Variants in ANKRD36 observed in about 807,000 individuals in gnomAD.
ANKRD36 encodes ankyrin repeat domain 36.
In ANKRD36, 179 loss-of-function variants were observed where a neutral mutation model predicts 278.1. The observed-to-expected ratio is 0.64, with a 90% CI of 0.57 to 0.73. The LOEUF is 0.73. Among genes scored for constraint, ANKRD36 ranks in the 30% least tolerant of loss-of-function variants. The pLI is 0.00. For missense variants in ANKRD36, 1,159 were observed against 1,956.7 expected (o/e 0.59, Z 7.69); for synonymous variants, 320 against 641.1 (o/e 0.50, Z 7.57).
chr2:97,184,206 T>G lies in ANKRD36; in HGVS notation c.1939+552T>G, dbSNP rs373289577. 2.2e-4 allele frequency among the ~76,000 whole-genome samples: 34 copies of G among 151,822 alleles called. 6 individuals carry two copies. The highest frequency in any genetic ancestry group is 5.3e-4 in the Admixed American group (8 of 15,166). ...GAAACCTGAGTGAACTCACTTCAGA[T>G]GCATTTAGAATGTTTGCATACCAGA... On this transcript the variant is annotated intron_variant, in intron 28 of 75. Transcript: ENST00000420699.
chr2:97,213,944 G>C (rs1358429212), intron 60 of ANKRD36, among the ~76,000 whole-genome samples: 1 of 151,662 alleles, frequency 6.6e-6, no homozygotes, highest in Non-Finnish European at 1.5e-5. Context: ...AAGACATGAA[G>C]TATATATTTT....
chr2:97,136,791 A>G (rs1304559863), intron 6 of ANKRD36, among the ~76,000 whole-genome samples: 1 of 151,976 alleles, frequency 6.6e-6, no homozygotes, highest in Non-Finnish European at 1.5e-5. Context: ...TTGTCCAGAA[A>G]TCATGTTCTT....
chr2:97,218,059 G>A (rs2066431650), intron 64 of ANKRD36, among the ~76,000 whole-genome samples: 2 of 152,038 alleles, frequency 1.3e-5, no homozygotes, highest in Admixed American at 1.3e-4. Flanking sequence ...CTTAGTATCA[G>A]ACATCACACA....
rs1438606167 is a variant in ANKRD36 at position 97,211,729 on chromosome 2, A to G, written c.3457A>G (p.Ile1153Val). ...NMATEKKDEQ[I>V]SGTVSCQKQP... ...GGCCACGGAAAAAAAGGATGAACAA[A>G]TATCTGGGACAGGTAATTTTGCAAA... The change falls in exon 58 of 76, where the codon ATA (isoleucine) becomes GTA (valine). Residue 1153 changes from isoleucine (I) to valine (V), a missense_variant. Ile to Val is a conservative substitution (Grantham distance 29). Transcript: ENST00000420699. The G allele has an allele frequency of 1.3e-6, 2 of 1,584,046 alleles. No homozygotes were observed. The highest frequency in any genetic ancestry group is 2.4e-5 in the East Asian group (1 of 42,196).
At chr2:97,172,582 G>A (rs1274146830) in intron 22 of ANKRD36, among the ~76,000 whole-genome samples, 1 of 151,990 alleles carries the variant, frequency 6.6e-6, no homozygotes, top group African/African-American at 2.4e-5. Context: ...TTTTTGACAT[G>A]TCCTGACTCT....
At chr2:97,159,319 T>C (rs2048270449) in intron 17 of ANKRD36, among the ~76,000 whole-genome samples, 1 of 152,096 alleles carries the variant, frequency 6.6e-6, no homozygotes. Context: ...ATATTTCTAG[T>C]TTAAATAAAA....
At chr2:97,183,126 C>CAA (rs1319483220) in intron 26 of ANKRD36, among the ~76,000 whole-genome samples, 1 of 151,746 alleles carries the variant, frequency 6.6e-6, no homozygotes, top group East Asian at 1.9e-4. Flanking sequence ...ACATTGATTC[C>CAA]TGGGTGTATG....
intron 50 of ANKRD36, among the ~76,000 whole-genome samples, chr2:97,205,456 T>C (rs1279321343): frequency 6.6e-6 from 1 of 151,568 alleles, no homozygotes; most frequent in African/African-American, 2.4e-5. Flanking sequence ...GAAGTGTAAG[T>C]TCAACTGAAG....
chr2:97,182,737 G>A (rs2056538633), intron 26 of ANKRD36, among the ~76,000 whole-genome samples: 1 of 151,214 alleles, frequency 6.6e-6, no homozygotes, highest in Non-Finnish European at 1.5e-5. Context: ...TTTTGTATAA[G>A]TATGTCAAAT....
chr2:97,189,541 T>G (rs562502997), intron 34 of ANKRD36, among the ~76,000 whole-genome samples: 1 of 86,972 alleles, frequency 1.1e-5, no homozygotes, highest in African/African-American at 2.7e-5. Flanking sequence ...TGGAGAGAGG[T>G]TCAAGACATA....
intron 45 of ANKRD36, 42 bp downstream of exon 45, chr2:97,200,404 A>G: frequency 6.2e-7 from 1 of 1,603,140 alleles, no homozygotes; most frequent in Non-Finnish European, 8.5e-7. Context: ...GTAAACGTAT[A>G]GCCTATGAAA....
chr2:97,235,256 A>C (rs2073367444), intron 68 of ANKRD36, among the ~76,000 whole-genome samples: 3 of 151,586 alleles, frequency 2.0e-5, no homozygotes. Context: ...CCAACACCGC[A>C]TGTTGAAAAG....
intron 67 of ANKRD36, among the ~76,000 whole-genome samples, chr2:97,228,771 T>G (rs1266905894): frequency 6.6e-6 from 1 of 151,732 alleles, no homozygotes; most frequent in Admixed American, 6.6e-5. Flanking sequence ...CTTGTGGGCA[T>G]TTAGTGCTAT....
chr2:97,158,350 C>A (rs1228643318), intron 16 of ANKRD36, among the ~76,000 whole-genome samples, 183 bp downstream of exon 16: 1 of 152,194 alleles, frequency 6.6e-6, no homozygotes, highest in African/African-American at 2.4e-5. Flanking sequence ...GCCTCAGCCT[C>A]CTGAGTAGCT....
At chr2:97,206,462 A>G (rs2062873692) in intron 52 of ANKRD36, among the ~76,000 whole-genome samples, 1 of 151,462 alleles carries the variant, frequency 6.6e-6, no homozygotes, top group Non-Finnish European at 1.5e-5. Context: ...GAAAGAGAGG[A>G]AGTATCGATT....
intron 70 of ANKRD36, 115 bp downstream of exon 70, chr2:97,244,144 T>C: frequency 5.2e-6 from 7 of 1,339,804 alleles, no homozygotes; most frequent in Non-Finnish European, 6.9e-6. Context: ...TTTTATTTCA[T>C]CTTAAAAATG....
chr2:97,155,054 G>A (rs1267909726), intron 15 of ANKRD36, among the ~76,000 whole-genome samples: 1 of 142,100 alleles, frequency 7.0e-6, no homozygotes, highest in Non-Finnish European at 1.6e-5. Context: ...ACAAATTTTG[G>A]TCTAGGCTTA....
At chr2:97,199,754 G>A (rs537596124) in intron 44 of ANKRD36, among the ~76,000 whole-genome samples, 2 of 152,014 alleles carry the variant, frequency 1.3e-5, no homozygotes, top group East Asian at 3.9e-4. Flanking sequence ...CTACATGGGT[G>A]TGAGAGATAA....
chr2:97,207,392 G>A (rs920017465), intron 52 of ANKRD36, among the ~76,000 whole-genome samples: 2 of 151,464 alleles, frequency 1.3e-5, no homozygotes, highest in African/African-American at 4.8e-5. Flanking sequence ...AGAGCATGAT[G>A]AATGTTTGTA....
Sources: gnomAD v4.1 joint callset for allele counts (sites outside exome capture counted in the v4.1 genomes callset) on GRCh38, gnomAD v4.1.1 for gene constraint, MANE v1.5 for transcripts, NCBI Gene and HGNC (gene_info 2026-07-23, HGNC 2026-07-21) for gene names.